Variants in RBFOX1 observed in about 807,000 individuals in gnomAD.
RBFOX1 encodes the protein RNA binding fox-1 homolog 1.
Under a neutral mutation model 57.7 loss-of-function variants are expected in RBFOX1, and 8 were observed. The ratio of observed to expected loss-of-function variants is 0.14; its 90% CI spans 0.08 to 0.25. The LOEUF is 0.25. Ranked by LOEUF, RBFOX1 falls within the 10% of genes least tolerant of loss-of-function variation. RBFOX1 has a pLI of 1.00. For synonymous variants in RBFOX1, 326 were observed against 222.4 expected (o/e 1.47, Z -4.15); for missense variants, 611 against 548.5 (o/e 1.11, Z -1.14).
chr16:6,836,870 C>A (rs2141269436), intron 3 of RBFOX1, among the ~76,000 whole-genome samples: 1 of 152,174 alleles, frequency 6.6e-6, no homozygotes, highest in South Asian at 2.1e-4. Context: ...ACTGCTGAAC[C>A]ACAGGGCCTG....
intron 2 of RBFOX1, among the ~76,000 whole-genome samples, chr16:6,534,450 C>T (rs1412943683): frequency 1.3e-5 from 2 of 152,088 alleles, no homozygotes; most frequent in Non-Finnish European, 2.9e-5. Flanking sequence ...AGTTTCTACC[C>T]AAAGACTTCA....
chr16:7,338,317 G>A (rs1446946111), intron 4 of RBFOX1, among the ~76,000 whole-genome samples: 3 of 151,454 alleles, frequency 2.0e-5, no homozygotes, highest in Non-Finnish European at 4.4e-5. Flanking sequence ...TCTATAGCTA[G>A]ACAGTGGCAG....
intron 1 of RBFOX1, among the ~76,000 whole-genome samples, chr16:6,284,167 C>T (rs1332852066): frequency 6.6e-6 from 1 of 152,182 alleles, no homozygotes; most frequent in Non-Finnish European, 1.5e-5. Flanking sequence ...TTCCTATTAT[C>T]TACTTAGCAG....
intron 1 of RBFOX1, among the ~76,000 whole-genome samples, chr16:6,206,757 C>T (rs2097257979): frequency 6.6e-6 from 1 of 152,142 alleles, no homozygotes; most frequent in Non-Finnish European, 1.5e-5. Context: ...ATATTAATAC[C>T]AGAAGGTGCA....
At chr16:5,329,637 CATTA>C (rs1176245730) in intron 1 of RBFOX1, among the ~76,000 whole-genome samples, 3 of 152,314 alleles carry the variant, frequency 2.0e-5, no homozygotes, top group East Asian at 1.9e-4. Flanking sequence ...AACAAAATAA[CATTA>C]ATTAGTTAGC....
At chr16:5,883,692 C>G (rs186690038) in intron 4 of RBFOX1, among the ~76,000 whole-genome samples, 1 of 152,160 alleles carries the variant, frequency 6.6e-6, no homozygotes, top group Admixed American at 6.5e-5. Flanking sequence ...CTTTCTTGTT[C>G]TGAGTAGAAC....
At chr16:7,702,151 A>C (rs770445680) in intron 14 of RBFOX1, among the ~76,000 whole-genome samples, 2 of 152,148 alleles carry the variant, frequency 1.3e-5, no homozygotes, top group Non-Finnish European at 2.9e-5. Flanking sequence ...AGACCTTACA[A>C]CCTGGGATTC....
intron 3 of RBFOX1, among the ~76,000 whole-genome samples, chr16:6,745,722 A>C (rs772952986): frequency 6.6e-6 from 1 of 152,228 alleles, no homozygotes; most frequent in Non-Finnish European, 1.5e-5. Flanking sequence ...GTTGCCCCCA[A>C]GATTGGGAAC....
In RBFOX1 at chr16:6,915,895, G is replaced by A. The variant is rs147406730; in HGVS notation, c.-15-136162G>A. On this transcript the variant is annotated intron_variant, in intron 3 of 15. Coordinates refer to ENST00000550418, the MANE Select transcript of RBFOX1 (RefSeq NM_018723.4). Reference sequence around the variant, plus strand: ...TGAATAATTCTCCTGAAGTGGACATGTTCCGTGAAAGGGCCGTATTTGCAA... The same window carrying A: ...TGAATAATTCTCCTGAAGTGGACATATTCCGTGAAAGGGCCGTATTTGCAA... Among the ~76,000 whole-genome samples, 239 of 152,236 alleles carry A rather than the reference G, an allele frequency of 1.6e-3. 3 individuals carry two copies. In the East Asian group the frequency reaches 0.035, roughly 22 times the overall value.
intron 2 of RBFOX1, among the ~76,000 whole-genome samples, chr16:5,474,965 G>T (rs971783444): frequency 6.6e-6 from 1 of 152,176 alleles, no homozygotes; most frequent in Non-Finnish European, 1.5e-5. Flanking sequence ...CCTACCTTGG[G>T]TTTTTCTGAA....
At chr16:5,978,781 A>G (rs1268821073) in intron 4 of RBFOX1, among the ~76,000 whole-genome samples, 1 of 151,084 alleles carries the variant, frequency 6.6e-6, no homozygotes, top group Non-Finnish European at 1.5e-5. Flanking sequence ...TGTGTTTCTC[A>G]TGATTAGCCT....
At chr16:6,079,407 C>T (rs2095963842) in intron 1 of RBFOX1, among the ~76,000 whole-genome samples, 2 of 152,190 alleles carry the variant, frequency 1.3e-5, no homozygotes, top group Non-Finnish European at 2.9e-5. Context: ...GACCTCCTGG[C>T]CTCAAGTGAT....
At chr16:5,482,511 G>C (rs1011218276) in intron 2 of RBFOX1, among the ~76,000 whole-genome samples, 3 of 152,208 alleles carry the variant, frequency 2.0e-5, no homozygotes, top group Non-Finnish European at 4.4e-5. Context: ...TCTGAGCCAG[G>C]GAGAAAGACA....
chr16:6,451,647 G>A (rs754716285), intron 2 of RBFOX1, among the ~76,000 whole-genome samples: 1 of 152,098 alleles, frequency 6.6e-6, no homozygotes, highest in Non-Finnish European at 1.5e-5. Flanking sequence ...CTCAGCTCTG[G>A]GCTATCACCA....
intron 2 of RBFOX1, among the ~76,000 whole-genome samples, chr16:6,488,973 A>G (rs1598065358): frequency 6.6e-6 from 1 of 152,328 alleles, no homozygotes; most frequent in Middle Eastern, 3.4e-3. Context: ...CTGGTTGGAT[A>G]CTGTGACTAG....
At chr16:7,040,729 A>T (rs749058350) in intron 3 of RBFOX1, among the ~76,000 whole-genome samples, 3 of 152,194 alleles carry the variant, frequency 2.0e-5, no homozygotes, top group Admixed American at 6.5e-5. Flanking sequence ...ATAGGTTAAA[A>T]ATGATTTTAA....
At chr16:7,360,540 G>A (rs1050301545) in intron 4 of RBFOX1, among the ~76,000 whole-genome samples, 2 of 152,132 alleles carry the variant, frequency 1.3e-5, no homozygotes, top group African/African-American at 4.8e-5. Flanking sequence ...GGAAGGTAAC[G>A]GGTGGCCTGA....
chr16:6,322,028 C>G (rs1028691959), intron 2 of RBFOX1, among the ~76,000 whole-genome samples: 1 of 152,226 alleles, frequency 6.6e-6, no homozygotes, highest in African/African-American at 2.4e-5. Flanking sequence ...CCACTCTCTT[C>G]TCAGGAACCT....
chr16:7,252,547 A>C (rs575032819), intron 4 of RBFOX1, among the ~76,000 whole-genome samples: 1 of 152,356 alleles, frequency 6.6e-6, no homozygotes, highest in African/African-American at 2.4e-5. Flanking sequence ...AAGATCTGAC[A>C]AAGCTTGTCC....
Sources: gnomAD v4.1 joint callset for allele counts (sites outside exome capture counted in the v4.1 genomes callset) on GRCh38, gnomAD v4.1.1 for gene constraint, MANE v1.5 for transcripts, NCBI Gene and HGNC (gene_info 2026-07-23, HGNC 2026-07-21) for gene names.